TMEM178B: variants seen among roughly 807,000 people sequenced by gnomAD.
TMEM178B encodes transmembrane protein 178B.
A neutral mutation model predicts 31.0 loss-of-function variants in TMEM178B; 5 were observed. The ratio of observed to expected loss-of-function variants is 0.16; its 90% confidence interval spans 0.08 to 0.34. TMEM178B has a LOEUF of 0.34. Among genes scored for constraint, TMEM178B ranks in the 10% least tolerant of loss-of-function variants. The pLI is 1.00. For missense variants in TMEM178B, 275 were observed against 400.3 expected (o/e 0.69, Z 2.67); for synonymous variants, 164 against 164.0 (o/e 1.00, Z 0.00).
At chr7:141,338,546 G>A (rs952255758) in intron 2 of TMEM178B, among the ~76,000 whole-genome samples, 1 of 152,156 alleles carries the variant, frequency 6.6e-6, no homozygotes, top group Non-Finnish European at 1.5e-5. Flanking sequence ...CAGGGGTGAT[G>A]TCTATTTTCT....
intron 1 of TMEM178B, among the ~76,000 whole-genome samples, chr7:141,150,350 C>A (rs1795949696): frequency 6.6e-6 from 1 of 152,206 alleles, no homozygotes; most frequent in East Asian, 1.9e-4. Flanking sequence ...TTTTCCCCCA[C>A]AGCTACATGG....
intron 1 of TMEM178B, among the ~76,000 whole-genome samples, chr7:141,092,264 A>G (rs1301649999): frequency 6.6e-6 from 1 of 152,214 alleles, no homozygotes; most frequent in Non-Finnish European, 1.5e-5. Context: ...GGGCTTGGAT[A>G]TAGCATCAGT....
intron 1 of TMEM178B, among the ~76,000 whole-genome samples, chr7:141,102,985 C>T (rs568464248): frequency 6.6e-6 from 1 of 152,272 alleles, no homozygotes; most frequent in Non-Finnish European, 1.5e-5. Context: ...CTGGATCTCT[C>T]TCCATCACAG....
intron 1 of TMEM178B, among the ~76,000 whole-genome samples, chr7:141,173,631 C>A (rs1264292491): frequency 6.6e-6 from 1 of 152,152 alleles, no homozygotes; most frequent in Admixed American, 6.5e-5. Context: ...GGATCATTTC[C>A]TTCTGAATGT....
At chr7:141,348,363 T>C (rs1441432356) in intron 2 of TMEM178B, among the ~76,000 whole-genome samples, 2 of 152,200 alleles carry the variant, frequency 1.3e-5, no homozygotes, top group African/African-American at 4.8e-5. Flanking sequence ...TGGACAGGAT[T>C]CATGTGGTCT....
chr7:141,420,192 G>GC (rs35162161), intron 2 of TMEM178B, among the ~76,000 whole-genome samples: 6,129 of 150,154 alleles, frequency 0.041, 217 homozygotes, highest in African/African-American at 0.095. Context: ...ATTTATCACT[G>GC]CCCCCCCCCA....
At chr7:141,287,752 C>T (rs966893717) in intron 2 of TMEM178B, among the ~76,000 whole-genome samples, 29 of 152,308 alleles carry the variant, frequency 1.9e-4, no homozygotes, top group African/African-American at 6.3e-4. Flanking sequence ...AGTGCTTTAT[C>T]GGGGCCTGAA....
intron 2 of TMEM178B, among the ~76,000 whole-genome samples, chr7:141,379,473 A>AATCC (rs112337780): frequency 0.17 from 25,945 of 152,012 alleles, 2,334 homozygotes; most frequent in Middle Eastern, 0.2. Flanking sequence ...TGACAGAGTA[A>AATCC]ATCCCTGTCT....
intron 3 of TMEM178B, among the ~76,000 whole-genome samples, chr7:141,459,460 GC>G (rs747670361): frequency 1.5e-3 from 231 of 152,312 alleles, no homozygotes; most frequent in Admixed American, 4.4e-3. Context: ...AAATTCACAG[GC>G]TGGCTGAGCA....
intron 2 of TMEM178B, among the ~76,000 whole-genome samples, chr7:141,357,251 T>G (rs1799836068): frequency 6.6e-6 from 1 of 152,240 alleles, no homozygotes; most frequent in African/African-American, 2.4e-5. Flanking sequence ...TTGAATCTTT[T>G]CATATTTCCA....
intron 2 of TMEM178B, among the ~76,000 whole-genome samples, chr7:141,247,967 C>T (rs1029117170): frequency 2.0e-5 from 3 of 152,046 alleles, no homozygotes; most frequent in Non-Finnish European, 4.4e-5. Flanking sequence ...CAGGCCCTGT[C>T]ATGTGTCCTC....
At chr7:141,458,845 C>A (rs959613116) in intron 3 of TMEM178B, among the ~76,000 whole-genome samples, 4 of 152,328 alleles carry the variant, frequency 2.6e-5, no homozygotes, top group African/African-American at 9.6e-5. Flanking sequence ...AAGGTGTGTA[C>A]GTGCATGGGT....
chr7:141,215,094 T>A (rs550907307), intron 2 of TMEM178B, among the ~76,000 whole-genome samples: 1 of 152,252 alleles, frequency 6.6e-6, no homozygotes, highest in African/African-American at 2.4e-5. Flanking sequence ...GCATAGGAAG[T>A]GTCGATTTTA....
intron 2 of TMEM178B, among the ~76,000 whole-genome samples, chr7:141,278,900 G>T (rs1015998566): frequency 6.6e-6 from 1 of 152,192 alleles, no homozygotes; most frequent in Non-Finnish European, 1.5e-5. Context: ...AAGGCAGGCA[G>T]AATTGGGACC....
intron 1 of TMEM178B, among the ~76,000 whole-genome samples, chr7:141,114,853 C>G (rs1262913156): frequency 6.6e-6 from 1 of 152,178 alleles, no homozygotes; most frequent in South Asian, 2.1e-4. Flanking sequence ...CAAGAGCTTC[C>G]CCTTTGATTG....
chr7:141,212,545 T>C lies in TMEM178B; in HGVS notation c.383-46T>C, dbSNP rs893076053. ...ATTAATCCCAGAACTAGTCCAGATG[T>C]GGTTGCTGCTTCCTTAACATTTTGT... On this transcript the variant is annotated intron_variant, in intron 1 of 3. Coordinates refer to ENST00000565468, the MANE Select transcript of TMEM178B (RefSeq NM_001195278.2). 9.6e-6 allele frequency: 14 copies of C among 1,464,172 alleles called. No homozygotes were observed. The East Asian group carries it at 3.5e-4, about 36-fold the overall frequency. 90.7% of individuals were successfully genotyped at this position (1,464,172 alleles called of 1,614,324 possible).
rs371783573 is a variant in TMEM178B at position 141,447,011 on chromosome 7, G to A, written c.634+9266G>A. Among the ~76,000 whole-genome samples the A allele has an allele frequency of 1.4e-3, 207 of 152,048 alleles. 1 individual carries two copies. The highest frequency in any genetic ancestry group is 4.7e-3 in the African/African-American group (196 of 41,466). Reference sequence around the variant, plus strand: ...ATCTTTAGACAGGTAATGTCTCTCCGACTGATCACCCGTACTCATTCATTT... The same window carrying A: ...ATCTTTAGACAGGTAATGTCTCTCCAACTGATCACCCGTACTCATTCATTT... On this transcript the variant is annotated intron_variant, in intron 3 of 3. Coordinates refer to ENST00000565468, the MANE Select transcript of TMEM178B (RefSeq NM_001195278.2).
chr7:141,323,840 A>G (rs1799141575), intron 2 of TMEM178B, among the ~76,000 whole-genome samples: 1 of 152,196 alleles, frequency 6.6e-6, no homozygotes, highest in African/African-American at 2.4e-5. Flanking sequence ...CAAAAAAAGC[A>G]TGGAAAGGGA....
chr7:141,147,060 G>A (rs1795864435), intron 1 of TMEM178B, among the ~76,000 whole-genome samples: 1 of 152,196 alleles, frequency 6.6e-6, no homozygotes, highest in South Asian at 2.1e-4. Context: ...ATGTATAAGA[G>A]TGGATATCTA....
Sources: gnomAD v4.1 joint callset for allele counts (sites outside exome capture counted in the v4.1 genomes callset) on GRCh38, gnomAD v4.1.1 for gene constraint, MANE v1.5 for transcripts, NCBI Gene and HGNC (gene_info 2026-07-23, HGNC 2026-07-21) for gene names.